TIAM2: variants seen among roughly 807,000 people sequenced by gnomAD.
TIAM2 encodes TIAM Rac1 associated GEF 2, also known as rho guanine nucleotide exchange factor TIAM2.
In TIAM2, 80 loss-of-function variants were observed where a neutral mutation model predicts 152.9. The ratio of observed to expected loss-of-function variants is 0.52; its 90% CI spans 0.44 to 0.63. The LOEUF (loss-of-function observed/expected upper bound fraction) is 0.63. Among genes scored for constraint, TIAM2 ranks in the 30% least tolerant of loss-of-function variants. The probability of loss-of-function intolerance (pLI) is 0.00; values close to 1 mark genes in which losing one functional copy is unlikely to be tolerated. For missense variants in TIAM2, 1,965 were observed against 2,120.1 expected, an observed-to-expected ratio of 0.93 and a Z score of 1.44; for synonymous variants, 804 against 838.0, an observed-to-expected ratio of 0.96 and a Z score of 0.70.
chr6:155,217,178 A>G (rs1434320916), intron 15 of TIAM2: 1 of 1,266,246 alleles, frequency 7.9e-7, no homozygotes, highest in Non-Finnish European at 1.0e-6. Flanking sequence ...CTTGATTGAA[A>G]GTTGATTTTG....
rs764378940 is a variant in TIAM2 at position 155,179,079 on chromosome 6, G to A, written c.2564G>A (p.Arg855Gln). Residue 855 changes from arginine to glutamine, a missense_variant, in exon 11 of 27, where the codon CGA becomes CAA. Arg to Gln is a conservative substitution (Grantham distance 43, BLOSUM62 1). Coordinates refer to ENST00000682666, the MANE Select transcript of TIAM2 (RefSeq NM_012454.4). ...LEPSHYGLQL[R>Q]KLVDDNVEYC... is the part of the protein sequence containing the mutation. ...CCCAGCCATTATGGCCTACAGCTTCGAAAATTAGTAGATGACAATGTTGAG... is the reference window on the plus strand; with the variant it reads ...CCCAGCCATTATGGCCTACAGCTTCAAAAATTAGTAGATGACAATGTTGAG... 21 of 1,613,922 alleles carry A rather than the reference G, an allele frequency of 1.3e-5. No individual in the cohort carries two copies. The highest frequency in any genetic ancestry group is 1.8e-5 in the Non-Finnish European group (21 of 1,180,014).
At chr6:155,036,623 T>TATTTATTA (rs1409974379) in intron 1 of TIAM2, among the ~76,000 whole-genome samples, 2 of 132,490 alleles carry the variant, frequency 1.5e-5, no homozygotes, top group African/African-American at 5.4e-5. Flanking sequence ...TTTATTTATT[T>TATTTATTA]ATTATTTTTT....
intron 1 of TIAM2, among the ~76,000 whole-genome samples, chr6:155,086,298 T>C (rs1778169452): frequency 6.6e-6 from 1 of 152,250 alleles, no homozygotes; most frequent in Admixed American, 6.5e-5. Flanking sequence ...ATGAGAGGTC[T>C]ACTTGATCTT....
At chr6:155,014,652 G>A (rs185364290) in intron 1 of TIAM2, among the ~76,000 whole-genome samples, 119 of 152,182 alleles carry the variant, frequency 7.8e-4, no homozygotes, top group African/African-American at 2.5e-3. Context: ...GAGTATCTAC[G>A]TACACTCAAT....
chr6:155,226,232 C>T (rs1583263012), intron 15 of TIAM2, among the ~76,000 whole-genome samples: 2 of 152,182 alleles, frequency 1.3e-5, no homozygotes, highest in East Asian at 3.9e-4. Context: ...AAGCAGCCAT[C>T]AGTAGAAGTA....
intron 1 of TIAM2, among the ~76,000 whole-genome samples, chr6:155,079,365 G>T (rs9397775): frequency 0.23 from 35,411 of 152,086 alleles, 4,724 homozygotes; most frequent in East Asian, 0.43. Context: ...CCTGGACCCA[G>T]ATGGCCAGTT....
rs193008608 is a variant in TIAM2, at chr6:155,185,816, G to A, written c.3064+2316G>A. Among the ~76,000 whole-genome samples the A allele has an allele frequency of 3.2e-3, 486 of 152,192 alleles. 5 individuals carry two copies. The highest frequency in any genetic ancestry group is 0.011 in the African/African-American group (453 of 41,524). On this transcript the variant is annotated intron_variant, in intron 14 of 26. Transcript: ENST00000682666. ...TGGGTGTGACAGTCTCCCAGGCAGC[G>A]CCCCGCCCACCTCTGCCCTGAGCTT...
At chr6:155,250,437 C>G (rs1329396876) in intron 21 of TIAM2, 1 of 889,872 alleles carries the variant, frequency 1.1e-6, no homozygotes, top group East Asian at 2.7e-5. Flanking sequence ...AGCCAGCATG[C>G]AGGAAGTAGC....
Position 155,240,608 on chromosome 6 carries a change from C to A in TIAM2, c.3247C>A (p.Gln1083Lys). The part of the protein sequence containing the change: ...ANGMEGPREN[Q>K]DPPPRSLARH... Reference sequence around the variant, plus strand: ...CGGCATGGAAGGACCGCGGGAGAATCAGGATCCTCCTCCGAGGTCTCTGGC... The same window carrying A: ...CGGCATGGAAGGACCGCGGGAGAATAAGGATCCTCCTCCGAGGTCTCTGGC... Residue 1083 changes from glutamine (Q) to lysine (K), a missense_variant, in exon 16 of 27, where the codon CAG (glutamine) becomes AAG (lysine). Physicochemically the swap from Gln to Lys is moderately conservative, Grantham distance 53 (BLOSUM62 1). Coordinates refer to ENST00000682666, the MANE Select transcript of TIAM2 (RefSeq NM_012454.4). 6.2e-7 allele frequency: 1 copy of A among 1,614,184 alleles called. No homozygotes were observed. The highest frequency in any genetic ancestry group is 8.5e-7 in the Non-Finnish European group (1 of 1,180,046).
intron 7 of TIAM2, among the ~76,000 whole-genome samples, chr6:155,153,506 G>T (rs949870301): frequency 6.6e-6 from 1 of 151,846 alleles, no homozygotes; most frequent in Non-Finnish European, 1.5e-5. Context: ...ACTCTTTGAG[G>T]TTATGATTTA....
Position 155,257,342 on chromosome 6 carries a change from T to A in TIAM2, c.*221T>A, listed in dbSNP as rs1021965802. 16 of 553,046 alleles carry A rather than the reference T, an allele frequency of 2.9e-5. 1 individual carries two copies. In the South Asian group the frequency reaches 3.4e-4, roughly 12 times the overall value. 34.3% of individuals were successfully genotyped at this position (553,046 alleles called of 1,614,324 possible). A position where few individuals can be genotyped will look rare whatever the true frequency, so the allele number is the denominator to read the frequency against. ...CAGAATCTGTAAATTACTTAGTTTA[T>A]ATCCACTTTGAGCAGGTATCAAATG... On this transcript the variant is annotated 3_prime_UTR_variant, in exon 27 of 27. Transcript: ENST00000682666.
At chr6:155,178,165 T>TA (rs557378875) in intron 10 of TIAM2, among the ~76,000 whole-genome samples, 16,014 of 83,104 alleles carry the variant, frequency 0.19, 1,317 homozygotes, top group African/African-American at 0.27. Flanking sequence ...CGTCTCAAAT[T>TA]AAAAAAAAAA....
rs375127414 is a variant in TIAM2, at chr6:155,039,624, C to T, written c.-209+44132C>T. Among the ~76,000 whole-genome samples the T allele has an allele frequency of 3.6e-3, 275 of 76,990 alleles. 9 individuals are homozygous for T. The East Asian group carries it at 0.067, about 19-fold the overall frequency. The allele number at this position is 76,990 out of a possible 152,430, so 50.5% of individuals were successfully genotyped here. On this transcript the variant is annotated intron_variant, in intron 1 of 26. Coordinates refer to ENST00000682666, the MANE Select transcript of TIAM2 (RefSeq NM_012454.4). ...CTCTTACAATTTGAATGGGAATGGGCGTTGGGGGCTGGGGGGTGGTTGGTG... is the reference window on the plus strand; with the variant it reads ...CTCTTACAATTTGAATGGGAATGGGTGTTGGGGGCTGGGGGGTGGTTGGTG...
chr6:155,028,814 A>AATATATACTGTGTT (rs1776709463), intron 1 of TIAM2, among the ~76,000 whole-genome samples: 2 of 135,086 alleles, frequency 1.5e-5, no homozygotes, highest in African/African-American at 5.5e-5. Flanking sequence ...TACTATATAT[A>AATATATACTGTGTT]ATATATATAC....
At chr6:155,071,476 C>G (rs1777836532) in intron 1 of TIAM2, among the ~76,000 whole-genome samples, 1 of 152,186 alleles carries the variant, frequency 6.6e-6, no homozygotes, top group African/African-American at 2.4e-5. Flanking sequence ...CTGCATCAGG[C>G]AGAGCTGAGC....
At chr6:155,158,557 T>C (rs567074025) in intron 7 of TIAM2, among the ~76,000 whole-genome samples, 1 of 152,224 alleles carries the variant, frequency 6.6e-6, no homozygotes, top group South Asian at 2.1e-4. Flanking sequence ...GTTATGTTTT[T>C]TACTTTTTTT....
intron 1 of TIAM2, among the ~76,000 whole-genome samples, chr6:155,084,428 T>C (rs1052052317): frequency 7.9e-5 from 12 of 152,268 alleles, no homozygotes; most frequent in Non-Finnish European, 7.3e-5. Flanking sequence ...GTGCTAACTT[T>C]TGTATCCTTG....
At chr6:155,167,941 A>G (rs2115106730) in intron 9 of TIAM2, among the ~76,000 whole-genome samples, 1 of 152,356 alleles carries the variant, frequency 6.6e-6, no homozygotes, top group Middle Eastern at 3.4e-3. Flanking sequence ...CTAATTAGAT[A>G]TGAGCCTAAT....
At chr6:155,045,470 T>A (rs1293352161) in intron 1 of TIAM2, among the ~76,000 whole-genome samples, 1 of 152,166 alleles carries the variant, frequency 6.6e-6, no homozygotes. Flanking sequence ...TTTTAAGTTG[T>A]CTTCTGTTCC....
Sources: gnomAD v4.1 joint callset for allele counts (sites outside exome capture counted in the v4.1 genomes callset) on GRCh38, gnomAD v4.1.1 for gene constraint, MANE v1.5 for transcripts, NCBI Gene and HGNC (gene_info 2026-07-23, HGNC 2026-07-21) for gene names.